Variants in CTNNA2 observed in about 807,000 individuals in gnomAD.
CTNNA2 encodes the protein catenin alpha-2.
A neutral mutation model predicts 101.0 loss-of-function variants in CTNNA2; 42 were observed. That is an observed-to-expected ratio of 0.42 (90% confidence interval 0.32 to 0.54). CTNNA2 has a LOEUF of 0.54. CTNNA2 is among the 20% of genes least tolerant of loss of function. The probability of loss-of-function intolerance (pLI) is 0.14; values close to 1 mark genes in which losing one functional copy is unlikely to be tolerated. For missense variants in CTNNA2, 871 were observed against 1,223.1 expected, an observed-to-expected ratio of 0.71 and a Z score of 4.29; for synonymous variants, 450 against 456.4, an observed-to-expected ratio of 0.99 and a Z score of 0.18.
chr2:79,744,367 G>C lies in CTNNA2; in HGVS notation c.103-20G>C. 6.3e-7 allele frequency: 1 copy of C among 1,575,652 alleles called. No homozygotes were observed. Among genetic ancestry groups the C allele is most frequent in the Non-Finnish European group, 8.6e-7 (1 of 1,165,130 alleles). On this transcript the variant is annotated intron_variant, in intron 2 of 18. Transcript: ENST00000402739. Reference sequence around the variant, plus strand: ...GACAGTTTTGCAAAGAAGTTTTACAGTTTCTCTTTTATATTTAAGGTGACT... The same window carrying C: ...GACAGTTTTGCAAAGAAGTTTTACACTTTCTCTTTTATATTTAAGGTGACT...
intron 13 of CTNNA2, among the ~76,000 whole-genome samples, chr2:80,580,733 G>A (rs1342927706): frequency 6.6e-6 from 1 of 152,034 alleles, no homozygotes; most frequent in African/African-American, 2.4e-5. Context: ...AATAATGATG[G>A]GCCAGGCACA....
intron 3 of CTNNA2, among the ~76,000 whole-genome samples, chr2:79,841,006 T>C (rs1272428080): frequency 6.6e-6 from 1 of 152,080 alleles, no homozygotes; most frequent in Non-Finnish European, 1.5e-5. Flanking sequence ...CCTGACCTCG[T>C]GATCCGCCCG....
At chr2:80,207,219 A>T (rs534920132) in intron 7 of CTNNA2, among the ~76,000 whole-genome samples, 1 of 152,338 alleles carries the variant, frequency 6.6e-6, no homozygotes, top group African/African-American at 2.4e-5. Flanking sequence ...TTGAACAAAG[A>T]TTAATTACAG....
chr2:79,777,786 C>T (rs1674093818), intron 3 of CTNNA2, among the ~76,000 whole-genome samples: 1 of 152,014 alleles, frequency 6.6e-6, no homozygotes, highest in South Asian at 2.1e-4. Flanking sequence ...TACTATTTCT[C>T]CAAATGAGCT....
intron 7 of CTNNA2, among the ~76,000 whole-genome samples, chr2:80,079,997 T>C (rs1490572108): frequency 1.3e-5 from 2 of 152,112 alleles, no homozygotes; most frequent in Non-Finnish European, 2.9e-5. Context: ...AGAATCAGGA[T>C]TTGATTAAAA....
chr2:80,365,344 T>G (rs977794684), intron 7 of CTNNA2, among the ~76,000 whole-genome samples: 1 of 152,186 alleles, frequency 6.6e-6, no homozygotes, highest in Non-Finnish European at 1.5e-5. Flanking sequence ...ATGCTGACAG[T>G]GCAGCCCTGC....
chr2:80,254,697 T>C (rs1672006045), intron 7 of CTNNA2, among the ~76,000 whole-genome samples: 1 of 152,212 alleles, frequency 6.6e-6, no homozygotes, highest in African/African-American at 2.4e-5. Context: ...ATTTCCTATT[T>C]ACAGAAACAA....
chr2:80,464,860 C>G (rs1473974760), intron 9 of CTNNA2, among the ~76,000 whole-genome samples: 1 of 152,100 alleles, frequency 6.6e-6, no homozygotes, highest in African/African-American at 2.4e-5. Context: ...TTAACTTAGC[C>G]ATTGTTCAGC....
At chr2:79,734,062 T>C (rs189307999) in intron 2 of CTNNA2, among the ~76,000 whole-genome samples, 15 of 152,292 alleles carry the variant, frequency 9.8e-5, no homozygotes, top group African/African-American at 2.9e-4. Flanking sequence ...AAAATAGTGA[T>C]TCATCAATGG....
chr2:80,604,102 G>A lies in CTNNA2; in HGVS notation c.2218G>A (p.Asp740Asn). The change falls in exon 16 of 19, where the codon GAT becomes AAT. Residue 740 changes from aspartate to asparagine, a missense_variant. Transcript: ENST00000402739. ...CAAAGGCCCATTGAAAAATACATCT[G>A]ATGTCATTAATGCTGCCAAGAAAAT... ...RGKGPLKNTS[D>N]VINAAKKIAE... 1 of 1,613,034 alleles carries A rather than the reference G, an allele frequency of 6.2e-7. No homozygotes were observed. Among genetic ancestry groups the A allele is most frequent in the Non-Finnish European group, 8.5e-7 (1 of 1,179,390 alleles).
At chr2:80,029,177 G>T (rs986294108) in intron 7 of CTNNA2, among the ~76,000 whole-genome samples, 1 of 152,118 alleles carries the variant, frequency 6.6e-6, no homozygotes, top group Non-Finnish European at 1.5e-5. Context: ...TACTACTACT[G>T]CATTTGAGCA....
chr2:79,713,160 A>C (rs865977455), intron 2 of CTNNA2, among the ~76,000 whole-genome samples: 1 of 152,234 alleles, frequency 6.6e-6, no homozygotes, highest in East Asian at 1.9e-4. Context: ...ATTGAATATC[A>C]TGGCAAAAAT....
At chr2:79,265,628 G>A (rs972059051) in intron 2 of CTNNA2, among the ~76,000 whole-genome samples, 1 of 152,152 alleles carries the variant, frequency 6.6e-6, no homozygotes, top group Non-Finnish European at 1.5e-5. Flanking sequence ...GCATCTCAAA[G>A]CCAAGGGTTT....
intron 3 of CTNNA2, among the ~76,000 whole-genome samples, chr2:79,828,350 G>T (rs1678603392): frequency 6.6e-6 from 1 of 151,942 alleles, no homozygotes; most frequent in African/African-American, 2.4e-5. Context: ...TTTTATTTTT[G>T]TCCATTTATA....
chr2:79,636,662 G>A (rs1680091687), intron 1 of CTNNA2, among the ~76,000 whole-genome samples: 2 of 152,040 alleles, frequency 1.3e-5, no homozygotes, highest in South Asian at 4.1e-4. Context: ...TATGTAACTA[G>A]AATATATATA....
intron 15 of CTNNA2, among the ~76,000 whole-genome samples, chr2:80,594,086 ACCAG>A (rs1363236421): frequency 1.3e-5 from 2 of 152,118 alleles, no homozygotes; most frequent in African/African-American, 2.4e-5. Context: ...TTACATTCCC[ACCAG>A]CAATACACAA....
At chr2:79,737,781 A>G (rs1671005089) in intron 2 of CTNNA2, among the ~76,000 whole-genome samples, 1 of 152,172 alleles carries the variant, frequency 6.6e-6, no homozygotes, top group Non-Finnish European at 1.5e-5. Flanking sequence ...GACAAACTAT[A>G]GTGTTGCTGG....
chr2:79,498,712 A>T (rs2103799235), intron 4 of CTNNA2, among the ~76,000 whole-genome samples: 1 of 152,290 alleles, frequency 6.6e-6, no homozygotes, highest in Non-Finnish European at 1.5e-5. Flanking sequence ...AATGTTTAGC[A>T]GAATTTTCTT....
intron 4 of CTNNA2, among the ~76,000 whole-genome samples, chr2:79,457,026 C>T (rs999766980): frequency 6.6e-6 from 1 of 151,812 alleles, no homozygotes; most frequent in Non-Finnish European, 1.5e-5. Context: ...ATGGTCAAAC[C>T]CCGTCACTAC....
Sources: gnomAD v4.1 joint callset for allele counts (sites outside exome capture counted in the v4.1 genomes callset) on GRCh38, gnomAD v4.1.1 for gene constraint, MANE v1.5 for transcripts, NCBI Gene and HGNC (gene_info 2026-07-23, HGNC 2026-07-21) for gene names.